Variants in PCDH9 observed in about 807,000 individuals in gnomAD.
PCDH9 encodes protocadherin 9, also known as protocadherin-9.
In PCDH9, 24 loss-of-function variants were observed where a neutral mutation model predicts 70.6. That is an observed-to-expected ratio of 0.34 (90% CI 0.25 to 0.48). The LOEUF (loss-of-function observed/expected upper bound fraction) is 0.48, where lower values mean the gene tolerates loss of function less well. PCDH9 is among the 20% of genes least tolerant of loss of function. PCDH9 has a pLI of 0.99. For missense variants in PCDH9, 1,281 were observed against 1,503.6 expected, an observed-to-expected ratio of 0.85 and a Z score of 2.45; for synonymous variants, 562 against 558.5, an observed-to-expected ratio of 1.01 and a Z score of -0.09.
chr13:66,875,145 G>A (rs748617094), intron 3 of PCDH9, among the ~76,000 whole-genome samples: 34 of 152,130 alleles, frequency 2.2e-4, no homozygotes, highest in Non-Finnish European at 4.9e-4. Flanking sequence ...AAAGGAGCTA[G>A]ACTTGATTAT....
chr13:66,890,602 A>C (rs1203030957), intron 3 of PCDH9, among the ~76,000 whole-genome samples: 1 of 152,000 alleles, frequency 6.6e-6, no homozygotes, highest in Non-Finnish European at 1.5e-5. Flanking sequence ...CTTTGAAATG[A>C]ATTCATCAAG....
intron 4 of PCDH9, among the ~76,000 whole-genome samples, chr13:66,344,352 C>T (rs1956179980): frequency 6.6e-6 from 1 of 152,138 alleles, no homozygotes; most frequent in Non-Finnish European, 1.5e-5. Flanking sequence ...TCTGGAACTC[C>T]TGACCTCAGG....
At chr13:67,073,258 A>G (rs2085804448) in intron 2 of PCDH9, among the ~76,000 whole-genome samples, 1 of 152,144 alleles carries the variant, frequency 6.6e-6, no homozygotes, top group Non-Finnish European at 1.5e-5. Flanking sequence ...GAGCAAAGCT[A>G]AGGTGAATGG....
intron 2 of PCDH9, among the ~76,000 whole-genome samples, chr13:67,151,150 T>A (rs1195753117): frequency 6.6e-6 from 1 of 152,138 alleles, no homozygotes; most frequent in Admixed American, 6.5e-5. Flanking sequence ...TTGGCCATTT[T>A]ATTCAAAACT....
intron 2 of PCDH9, among the ~76,000 whole-genome samples, chr13:67,130,942 A>G (rs540879978): frequency 1.3e-5 from 2 of 152,200 alleles, no homozygotes; most frequent in South Asian, 2.1e-4. Flanking sequence ...CCTTCCCTTC[A>G]AATCCTAACA....
chr13:66,750,475 T>C (rs1365680742), intron 3 of PCDH9, among the ~76,000 whole-genome samples: 1 of 152,030 alleles, frequency 6.6e-6, no homozygotes, highest in Non-Finnish European at 1.5e-5. Context: ...AAATGTGAAG[T>C]GAAACTTCTG....
intron 4 of PCDH9, among the ~76,000 whole-genome samples, chr13:66,580,258 C>T (rs1400742369): frequency 6.6e-6 from 1 of 151,868 alleles, no homozygotes; most frequent in Non-Finnish European, 1.5e-5. Flanking sequence ...AAATATTTGT[C>T]TCTTTTCTAA....
intron 2 of PCDH9, among the ~76,000 whole-genome samples, chr13:66,911,983 T>G (rs1219554177): frequency 6.6e-6 from 1 of 152,200 alleles, no homozygotes; most frequent in Non-Finnish European, 1.5e-5. Context: ...ATTTCATTAT[T>G]TACTGCGATA....
chr13:67,051,357 C>T (rs1319287198), intron 2 of PCDH9, among the ~76,000 whole-genome samples: 6 of 142,994 alleles, frequency 4.2e-5, no homozygotes, highest in East Asian at 2.0e-4. Context: ...TTCAAAAAAG[C>T]GAAATACCAG....
At chr13:66,326,879 C>T (rs545690403) in intron 4 of PCDH9, among the ~76,000 whole-genome samples, 1 of 152,102 alleles carries the variant, frequency 6.6e-6, no homozygotes, top group Non-Finnish European at 1.5e-5. Flanking sequence ...CTCTTCTTCC[C>T]CACCCAACTT....
chr13:66,921,305 A>G (rs1456712870), intron 2 of PCDH9, among the ~76,000 whole-genome samples: 1 of 151,248 alleles, frequency 6.6e-6, no homozygotes, highest in Non-Finnish European at 1.5e-5. Flanking sequence ...AATTATGGGA[A>G]CTATGCAAGC....
intron 2 of PCDH9, chr13:67,212,283 G>T (rs1475547234): frequency 6.6e-6 from 1 of 151,816 alleles, no homozygotes; most frequent in Non-Finnish European, 1.5e-5. Context: ...AAAAAAATGT[G>T]AGAGAGAGAG....
chr13:66,996,000 G>A (rs2084106993), intron 2 of PCDH9, among the ~76,000 whole-genome samples: 1 of 151,994 alleles, frequency 6.6e-6, no homozygotes, highest in African/African-American at 2.4e-5. Context: ...TAATTCGGCT[G>A]ATGGGCTAAA....
Position 66,462,463 on chromosome 13 carries a change from TA to T in PCDH9, c.3341-157436del, listed in dbSNP as rs199861401. On this transcript the variant is annotated intron_variant, in intron 4 of 4. Transcript: ENST00000377865. ...AATTCAGTAGAAAGATCACGGGAGCTAAATATCAGAGTTCAAATTATCTATG... is the reference window on the plus strand; with the variant it reads ...AATTCAGTAGAAAGATCACGGGAGCTAATATCAGAGTTCAAATTATCTATG... Among the ~76,000 whole-genome samples the T allele has an allele frequency of 4.5e-3, 691 of 151,964 alleles. 28 individuals carry two copies. In the East Asian group the frequency reaches 0.089, roughly 19 times the overall value.
chr13:66,598,620 G>C (rs2077130148), intron 4 of PCDH9, among the ~76,000 whole-genome samples: 2 of 151,732 alleles, frequency 1.3e-5, no homozygotes, highest in African/African-American at 4.8e-5. Flanking sequence ...AAATTCAACA[G>C]GGCCAAATGG....
At chr13:66,768,518 T>C (rs1399550758) in intron 3 of PCDH9, among the ~76,000 whole-genome samples, 1 of 152,082 alleles carries the variant, frequency 6.6e-6, no homozygotes, top group Admixed American at 6.6e-5. Context: ...TCTACTCCTA[T>C]AAAGCTGTGT....
intron 4 of PCDH9, among the ~76,000 whole-genome samples, chr13:66,483,374 G>A (rs182675184): frequency 5.4e-4 from 82 of 152,238 alleles, no homozygotes; most frequent in African/African-American, 2.0e-3. Context: ...CAATTGGAGT[G>A]AGAAAACTAG....
rs546696217 is a variant in PCDH9 at position 66,463,671 on chromosome 13, A to C, written c.3341-158643T>G. 4.6e-5 allele frequency among the ~76,000 whole-genome samples: 7 copies of C among 151,900 alleles called. No homozygotes were observed. In the South Asian group the frequency reaches 1.5e-3, roughly 31 times the overall value. ...TGTGGACCACACTTTGAGGAGCAAGATGGTAAACATTTGAAAGAAAATGTG... is the reference window on the plus strand; with the variant it reads ...TGTGGACCACACTTTGAGGAGCAAGCTGGTAAACATTTGAAAGAAAATGTG... On this transcript the variant is annotated intron_variant, in intron 4 of 4. Coordinates refer to ENST00000377865, the MANE Select transcript of PCDH9 (RefSeq NM_203487.3).
At chr13:66,698,114 G>C (rs1180508435) in intron 3 of PCDH9, among the ~76,000 whole-genome samples, 1 of 152,154 alleles carries the variant, frequency 6.6e-6, no homozygotes, top group Non-Finnish European at 1.5e-5. Context: ...GGTTGACAGG[G>C]TCTGTGGGGC....
Sources: gnomAD v4.1 joint callset for allele counts (sites outside exome capture counted in the v4.1 genomes callset) on GRCh38, gnomAD v4.1.1 for gene constraint, MANE v1.5 for transcripts, NCBI Gene and HGNC (gene_info 2026-07-23, HGNC 2026-07-21) for gene names.